WDR7: variants seen among roughly 807,000 people sequenced by gnomAD.
The protein encoded by WDR7 is WD repeat-containing protein 7.
In WDR7, 46 loss-of-function variants were observed where a neutral mutation model predicts 169.4. The observed-to-expected ratio is 0.27, with a 90% CI of 0.21 to 0.35. The LOEUF (loss-of-function observed/expected upper bound fraction) is 0.35. Among genes scored for constraint, WDR7 ranks in the 10% least tolerant of loss-of-function variants. WDR7 has a pLI of 1.00. For missense variants in WDR7, 1,534 were observed against 1,859.3 expected (o/e 0.83, Z 3.22); for synonymous variants, 612 against 666.8 (o/e 0.92, Z 1.27).
At chr18:56,750,377 C>T (rs2043772419) in intron 14 of WDR7, among the ~76,000 whole-genome samples, 1 of 151,220 alleles carries the variant, frequency 6.6e-6, no homozygotes, top group African/African-American at 2.4e-5. Context: ...TTGCATTTAT[C>T]GTTGAATCTT....
At chr18:56,891,030 TC>T (rs1463260077) in intron 21 of WDR7, 2 of 152,148 alleles carry the variant, frequency 1.3e-5, no homozygotes, top group Non-Finnish European at 2.9e-5. Context: ...TTTTAAAACT[TC>T]ATATGTAATT....
chr18:56,773,228 T>G (rs1434689054), intron 16 of WDR7, among the ~76,000 whole-genome samples: 1 of 152,104 alleles, frequency 6.6e-6, no homozygotes, highest in Non-Finnish European at 1.5e-5. Context: ...GGCACTTTTG[T>G]TTTTATCTGG....
intron 16 of WDR7, among the ~76,000 whole-genome samples, chr18:56,763,185 T>C (rs2044006952): frequency 6.6e-6 from 1 of 152,140 alleles, no homozygotes; most frequent in Admixed American, 6.5e-5. Flanking sequence ...GGTCTTGAGC[T>C]CCTGACCTCG....
At chr18:56,923,562 T>A (rs1254700202) in intron 21 of WDR7, among the ~76,000 whole-genome samples, 2 of 152,210 alleles carry the variant, frequency 1.3e-5, no homozygotes, top group Admixed American at 1.3e-4. Flanking sequence ...AGAAGAAAGG[T>A]TAAGAAGTAC....
At chr18:57,026,926 G>C (rs2048374090) in intron 27 of WDR7, 78 bp from the exon 28 acceptor site, 1 of 1,454,602 alleles carries the variant, frequency 6.9e-7, no homozygotes, top group Admixed American at 1.8e-5. Context: ...AAGTAGCCAG[G>C]AGAGATCGAC....
At chr18:57,009,559 G>T (rs1020678924) in intron 26 of WDR7, among the ~76,000 whole-genome samples, 1 of 152,050 alleles carries the variant, frequency 6.6e-6, no homozygotes, top group Non-Finnish European at 1.5e-5. Context: ...AGTGGAAGAG[G>T]CATAATAAAC....
chr18:56,658,062 C>T (rs1223530644), intron 1 of WDR7, among the ~76,000 whole-genome samples: 2 of 152,082 alleles, frequency 1.3e-5, no homozygotes, highest in Non-Finnish European at 2.9e-5. Flanking sequence ...TCTGTAGGCT[C>T]TTTAAAATAT....
At chr18:56,760,573 T>A (rs902162343) in intron 16 of WDR7, among the ~76,000 whole-genome samples, 4 of 152,230 alleles carry the variant, frequency 2.6e-5, no homozygotes, top group Non-Finnish European at 5.9e-5. Flanking sequence ...ATTCTCTTTT[T>A]TTGGTCATTA....
intron 25 of WDR7, among the ~76,000 whole-genome samples, chr18:56,948,805 A>C (rs899027854): frequency 5.3e-5 from 8 of 151,878 alleles, no homozygotes; most frequent in African/African-American, 1.9e-4. Context: ...TGGGGTGTGC[A>C]CTCTTACACA....
At chr18:56,874,923 A>T (rs2046002869) in intron 20 of WDR7, among the ~76,000 whole-genome samples, 1 of 152,194 alleles carries the variant, frequency 6.6e-6, no homozygotes. Flanking sequence ...CTAGATAACC[A>T]ATCCTCCTTT....
intron 13 of WDR7, among the ~76,000 whole-genome samples, chr18:56,723,031 C>T (rs1443438203): frequency 6.6e-6 from 1 of 152,134 alleles, no homozygotes; most frequent in Non-Finnish European, 1.5e-5. Context: ...GCCTTCAAGA[C>T]AAGGTCTTCC....
intron 20 of WDR7, among the ~76,000 whole-genome samples, chr18:56,862,808 T>G (rs1362762336): frequency 5.3e-5 from 8 of 151,898 alleles, no homozygotes; most frequent in Non-Finnish European, 8.9e-5. Context: ...CTTATTGATA[T>G]TCTGGTAACC....
intron 16 of WDR7, among the ~76,000 whole-genome samples, chr18:56,771,855 C>T (rs1185838498): frequency 6.6e-6 from 1 of 151,510 alleles, no homozygotes; most frequent in Non-Finnish European, 1.5e-5. Flanking sequence ...GCACTCCAGC[C>T]TGGGCAACAA....
chr18:56,698,648 A>C (rs1421973329), intron 12 of WDR7, among the ~76,000 whole-genome samples: 6 of 152,140 alleles, frequency 3.9e-5, no homozygotes, highest in Admixed American at 1.3e-4. Flanking sequence ...AAAATAATAA[A>C]ATGTTTTTGA....
rs1434865112 is a variant in WDR7, at chr18:57,020,860, A to G, written c.4269+11A>G. 5.6e-6 allele frequency: 9 copies of G among 1,613,010 alleles called. No individual in the cohort carries two copies. Among genetic ancestry groups the G allele is most frequent in the Non-Finnish European group, 7.6e-6 (9 of 1,179,070 alleles). Reference sequence around the variant, plus strand: ...ATTTCTTTTTGGCAGGTAAGAGTAGATGCTCCAGGGTCTTAAAGCATATAC... The same window carrying G: ...ATTTCTTTTTGGCAGGTAAGAGTAGGTGCTCCAGGGTCTTAAAGCATATAC... On this transcript the variant is annotated intron_variant, in intron 27 of 27. Transcript: ENST00000254442.
intron 26 of WDR7, among the ~76,000 whole-genome samples, chr18:56,992,871 C>T (rs2047838114): frequency 6.6e-6 from 1 of 152,078 alleles, no homozygotes; most frequent in Admixed American, 6.5e-5. Flanking sequence ...GAGACATGTC[C>T]CAGGTCTGGA....
chr18:56,999,284 T>G (rs895738164), intron 26 of WDR7, among the ~76,000 whole-genome samples: 11 of 152,124 alleles, frequency 7.2e-5, no homozygotes, highest in Non-Finnish European at 1.5e-4. Flanking sequence ...GAATTTAGGG[T>G]TTGGGGGAAT....
At chr18:56,799,988 T>C (rs1357974932) in intron 19 of WDR7, among the ~76,000 whole-genome samples, 1 of 152,170 alleles carries the variant, frequency 6.6e-6, no homozygotes, top group Non-Finnish European at 1.5e-5. Flanking sequence ...GAAATTAGAG[T>C]TGTAGCCTAA....
intron 26 of WDR7, among the ~76,000 whole-genome samples, chr18:57,020,497 C>T (rs2048272514): frequency 6.6e-6 from 1 of 152,144 alleles, no homozygotes; most frequent in African/African-American, 2.4e-5. Context: ...TTTCTTTGGG[C>T]TCATGCTGCC....
Sources: gnomAD v4.1 joint callset for allele counts (sites outside exome capture counted in the v4.1 genomes callset) on GRCh38, gnomAD v4.1.1 for gene constraint, MANE v1.5 for transcripts, NCBI Gene and HGNC (gene_info 2026-07-23, HGNC 2026-07-21) for gene names.